Variants in GALNT17 observed in about 807,000 individuals in gnomAD.
The protein encoded by GALNT17 is UDP-GalNAc:polypeptide N-acetylgalactosaminyltransferase-like 3.
In GALNT17, 29 loss-of-function variants were observed where a neutral mutation model predicts 63.7. That is an observed-to-expected ratio of 0.46 (90% CI 0.34 to 0.62). The LOEUF is 0.62. Among genes scored for constraint, GALNT17 ranks in the 20% least tolerant of loss-of-function variants. The pLI, the probability that GALNT17 is intolerant of heterozygous loss-of-function variation, is 0.01. For missense variants in GALNT17, 603 were observed against 799.6 expected, an observed-to-expected ratio of 0.75 and a Z score of 2.97; for synonymous variants, 305 against 318.3, an observed-to-expected ratio of 0.96 and a Z score of 0.45.
At chr7:71,388,065 C>G (rs1792979321) in intron 2 of GALNT17, among the ~76,000 whole-genome samples, 170 bp from the exon 3 acceptor site, 1 of 151,984 alleles carries the variant, frequency 6.6e-6, no homozygotes, top group African/African-American at 2.4e-5. Context: ...TGCTGTCCTC[C>G]TTAGGGTTTA....
intron 6 of GALNT17, among the ~76,000 whole-genome samples, chr7:71,655,115 C>T (rs1425058766): frequency 6.6e-6 from 1 of 151,852 alleles, no homozygotes; most frequent in Non-Finnish European, 1.5e-5. Context: ...AAAAATTAGG[C>T]GTAGTAGTGT....
chr7:71,185,423 C>T (rs1788830980), intron 1 of GALNT17, among the ~76,000 whole-genome samples: 1 of 151,624 alleles, frequency 6.6e-6, no homozygotes, highest in Non-Finnish European at 1.5e-5. Context: ...GTCTTGAACT[C>T]CTGGGTCCAA....
At chr7:71,371,206 A>G (rs893405670) in intron 2 of GALNT17, among the ~76,000 whole-genome samples, 17 of 152,184 alleles carry the variant, frequency 1.1e-4, no homozygotes, top group African/African-American at 4.1e-4. Context: ...CAAGCTTTGC[A>G]GTTCCCTTTG....
intron 2 of GALNT17, among the ~76,000 whole-genome samples, chr7:71,358,488 C>T (rs553306052): frequency 6.6e-6 from 1 of 152,318 alleles, no homozygotes; most frequent in African/African-American, 2.4e-5. Context: ...AGCTGAGTTT[C>T]CCCTTCTGAT....
chr7:71,337,791 C>A (rs1447815696), intron 2 of GALNT17, among the ~76,000 whole-genome samples: 1 of 151,730 alleles, frequency 6.6e-6, no homozygotes, highest in Non-Finnish European at 1.5e-5. Flanking sequence ...TCACTTGAAC[C>A]AGGGAGGCAG....
chr7:71,437,639 A>T (rs773325856), intron 5 of GALNT17, among the ~76,000 whole-genome samples: 1 of 152,150 alleles, frequency 6.6e-6, no homozygotes, highest in African/African-American at 2.4e-5. Flanking sequence ...AGTGACTTCA[A>T]ATGTCAGCAG....
intron 9 of GALNT17, among the ~76,000 whole-genome samples, chr7:71,699,772 A>AT (rs112893918): frequency 2.8e-4 from 43 of 150,968 alleles, no homozygotes; most frequent in African/African-American, 1.0e-3. Context: ...TGTCTCTATG[A>AT]TTTTTTTTTA....
chr7:71,609,183 G>A (rs948093364), intron 6 of GALNT17, among the ~76,000 whole-genome samples: 16 of 152,204 alleles, frequency 1.1e-4, no homozygotes, highest in African/African-American at 3.9e-4. Flanking sequence ...ACCAAAGGAT[G>A]TGCCTTTTAT....
chr7:71,185,496 C>A (rs1788832796), intron 1 of GALNT17, among the ~76,000 whole-genome samples: 1 of 151,504 alleles, frequency 6.6e-6, no homozygotes, highest in Non-Finnish European at 1.5e-5. Context: ...CCATACCTGC[C>A]CCATTCTCTA....
intron 3 of GALNT17, among the ~76,000 whole-genome samples, chr7:71,398,312 G>T (rs183825525): frequency 1.3e-4 from 20 of 151,412 alleles, no homozygotes; most frequent in Non-Finnish European, 2.4e-4. Flanking sequence ...CTTATCTTTC[G>T]CTATCTGATA....
intron 1 of GALNT17, among the ~76,000 whole-genome samples, chr7:71,174,009 C>A (rs556134350): frequency 2.0e-5 from 3 of 152,132 alleles, no homozygotes; most frequent in Non-Finnish European, 2.9e-5. Context: ...TCTGAACCAA[C>A]TTCTTCTGTT....
At chr7:71,208,652 A>G (rs188237571) in intron 1 of GALNT17, among the ~76,000 whole-genome samples, 13 of 151,784 alleles carry the variant, frequency 8.6e-5, no homozygotes, top group Admixed American at 2.0e-4. Flanking sequence ...AGATCTTACT[A>G]TGTTGTCGAG....
At chr7:71,501,283 G>A (rs1430387996) in intron 5 of GALNT17, among the ~76,000 whole-genome samples, 1 of 151,856 alleles carries the variant, frequency 6.6e-6, no homozygotes, top group Non-Finnish European at 1.5e-5. Flanking sequence ...TTAATTTTTT[G>A]AGACAGGGTC....
intron 1 of GALNT17, among the ~76,000 whole-genome samples, chr7:71,149,062 G>A (rs1480942044): frequency 3.3e-5 from 5 of 151,646 alleles, no homozygotes; most frequent in South Asian, 2.1e-4. Flanking sequence ...CTCCAGGTAC[G>A]TGCCAACATG....
intron 5 of GALNT17, among the ~76,000 whole-genome samples, chr7:71,509,769 T>C (rs755002254): frequency 4.6e-5 from 7 of 152,128 alleles, no homozygotes; most frequent in Non-Finnish European, 1.0e-4. Context: ...GGAGGCTTAA[T>C]TGGGTCACTG....
At chr7:71,333,163 T>TCC (rs1290617383) in intron 1 of GALNT17, among the ~76,000 whole-genome samples, 1 of 152,134 alleles carries the variant, frequency 6.6e-6, no homozygotes, top group Non-Finnish European at 1.5e-5. Context: ...CTCCCCAAGT[T>TCC]CCCCCTTCCC....
chr7:71,486,308 G>A (rs1787907233), intron 5 of GALNT17, among the ~76,000 whole-genome samples: 1 of 150,216 alleles, frequency 6.7e-6, no homozygotes. Flanking sequence ...CTCCCAGCCT[G>A]AGTGACAGGG....
In GALNT17 at chr7:71,299,251, A is replaced by G. The variant is rs149494242; in HGVS notation, c.239-36299A>G. On this transcript the variant is annotated intron_variant, in intron 1 of 10. Transcript: ENST00000333538. ...TTAAGGCCAGTGCTCTTGCATGTTA[A>G]TAACTTTTCTCTTGGATGGTGTTTT... Among the ~76,000 whole-genome samples, 724 of 152,260 alleles carry G rather than the reference A, an allele frequency of 4.8e-3. 5 individuals are homozygous for G. The highest frequency in any genetic ancestry group is 0.016 in the African/African-American group (649 of 41,556).
intron 1 of GALNT17, among the ~76,000 whole-genome samples, chr7:71,230,934 C>T (rs1011582682): frequency 6.6e-6 from 1 of 152,128 alleles, no homozygotes; most frequent in African/African-American, 2.4e-5. Flanking sequence ...CTCATTGAAT[C>T]AGAAACTGTA....
Sources: allele counts gnomAD v4.1 joint callset (sites outside exome capture counted in the v4.1 genomes callset), GRCh38; gene constraint gnomAD v4.1.1; transcripts MANE v1.5; gene names NCBI Gene and HGNC (gene_info 2026-07-23, HGNC 2026-07-21).